Variants in ZMYND11 observed in about 807,000 individuals in gnomAD.
The protein encoded by ZMYND11 is zinc finger MYND-type containing 11.
ZMYND11 carries 9 observed loss-of-function variants against 84.9 expected under a neutral mutation model. That is an observed-to-expected ratio of 0.11 (90% CI 0.06 to 0.18). ZMYND11 has a LOEUF of 0.18. ZMYND11 is among the 10% of genes least tolerant of loss of function. The probability of loss-of-function intolerance (pLI) is 1.00; values close to 1 mark genes in which losing one functional copy is unlikely to be tolerated. For synonymous variants in ZMYND11, 250 were observed against 244.1 expected, an observed-to-expected ratio of 1.02 and a Z score of -0.23; for missense variants, 409 against 761.0, an observed-to-expected ratio of 0.54 and a Z score of 5.44.
At chr10:189,841 T>C (rs1428696693) in intron 2 of ZMYND11, among the ~76,000 whole-genome samples, 5 of 152,152 alleles carry the variant, frequency 3.3e-5, no homozygotes, top group Admixed American at 3.3e-4. Flanking sequence ...ATAGACCTTA[T>C]TTGAGGGGAC....
intron 4 of ZMYND11, among the ~76,000 whole-genome samples, chr10:236,043 G>T (rs1456723912): frequency 6.6e-6 from 1 of 152,120 alleles, no homozygotes; most frequent in Non-Finnish European, 1.5e-5. Flanking sequence ...ATTATCTAGT[G>T]ACCTGAAAAA....
intron 2 of ZMYND11, among the ~76,000 whole-genome samples, chr10:206,379 T>G (rs909024358): frequency 6.6e-6 from 1 of 152,142 alleles, no homozygotes; most frequent in African/African-American, 2.4e-5. Flanking sequence ...AATAAATCAA[T>G]AGCTCTGTCT....
intron 12 of ZMYND11, among the ~76,000 whole-genome samples, 132 bp from the exon 13 acceptor site, chr10:248,181 ATACGTGACATCTACCACCCTAAC>A (rs1399715959): frequency 6.6e-6 from 1 of 152,184 alleles, no homozygotes; most frequent in Non-Finnish European, 1.5e-5. Context: ...GTGGCAAAAT[ATACGTGACATCTACCACCCTAAC>A]TACATTTTTC....
intron 6 of ZMYND11, among the ~76,000 whole-genome samples, chr10:238,514 G>A (rs1336258457): frequency 6.6e-6 from 1 of 151,904 alleles, no homozygotes; most frequent in African/African-American, 2.4e-5. Flanking sequence ...CCGACACCAC[G>A]CCCACCTAAT....
intron 2 of ZMYND11, among the ~76,000 whole-genome samples, chr10:185,837 CA>C (rs1190356934): frequency 7.4e-6 from 1 of 135,234 alleles, no homozygotes; most frequent in African/African-American, 2.7e-5. Context: ...AACAAAAAAA[CA>C]AAAAAAAAGA....
intron 1 of ZMYND11, among the ~76,000 whole-genome samples, chr10:161,357 T>C (rs1842913093): frequency 6.7e-6 from 1 of 150,104 alleles, no homozygotes; most frequent in Non-Finnish European, 1.5e-5. Flanking sequence ...GTAGGCTTTG[T>C]TGCTCCATCT....
intron 4 of ZMYND11, among the ~76,000 whole-genome samples, chr10:227,237 G>A (rs777600752): frequency 6.6e-6 from 1 of 152,148 alleles, no homozygotes. Context: ...GCTGTTTGGT[G>A]GTTCTTCCAC....
intron 2 of ZMYND11, among the ~76,000 whole-genome samples, chr10:189,466 TCC>T (rs1939723355): frequency 6.6e-6 from 1 of 152,250 alleles, no homozygotes; most frequent in African/African-American, 2.4e-5. Flanking sequence ...GTTTATGTAA[TCC>T]CAAGGATTCT....
At chr10:249,813 C>A in intron 14 of ZMYND11, 1 of 945,324 alleles carries the variant, frequency 1.1e-6, no homozygotes, top group Non-Finnish European at 1.3e-6. Flanking sequence ...TTTATCAAGC[C>A]TATATTATAT....
chr10:200,253 T>C (rs983809322), intron 2 of ZMYND11, among the ~76,000 whole-genome samples: 3 of 107,766 alleles, frequency 2.8e-5, no homozygotes, highest in East Asian at 3.2e-4. Flanking sequence ...ATATATATAA[T>C]ATAAAATATA....
chr10:222,352 G>A (rs1208866923), intron 4 of ZMYND11, among the ~76,000 whole-genome samples: 2 of 152,040 alleles, frequency 1.3e-5, no homozygotes, highest in Non-Finnish European at 2.9e-5. Flanking sequence ...TGCCATATAC[G>A]TTATACTTAC....
chr10:201,512 T>C (rs1416524021), intron 2 of ZMYND11, among the ~76,000 whole-genome samples: 1 of 151,870 alleles, frequency 6.6e-6, no homozygotes, highest in Non-Finnish European at 1.5e-5. Flanking sequence ...GTAATTACTT[T>C]CAGGAAATTA....
At chr10:152,860 G>A (rs892444975) in intron 1 of ZMYND11, among the ~76,000 whole-genome samples, 3 of 152,186 alleles carry the variant, frequency 2.0e-5, no homozygotes, top group African/African-American at 4.8e-5. Flanking sequence ...ATAACAAACT[G>A]TCTCTCAGAC....
chr10:251,578 C>CA lies in ZMYND11; in HGVS notation c.1687-769dup, dbSNP rs1953508330. ...CTGTTGTCAAGTGTTTGTTTACATC[C>CA]AGAAGGTCTCTCATCTTCCTTGCCT... On this transcript the variant is annotated intron_variant, in intron 14 of 14. Coordinates refer to ENST00000381604, the MANE Select transcript of ZMYND11 (RefSeq NM_001370100.5). Among the ~76,000 whole-genome samples, 3 of 152,292 alleles carry CA rather than the reference C, an allele frequency of 2.0e-5. No homozygotes were observed. The South Asian group carries it at 6.2e-4, about 32-fold the overall frequency.
intron 4 of ZMYND11, among the ~76,000 whole-genome samples, chr10:224,137 C>G (rs1321279631): frequency 6.6e-6 from 1 of 152,154 alleles, no homozygotes; most frequent in African/African-American, 2.4e-5. Flanking sequence ...ACTATTCACT[C>G]TTACATTCCT....
chr10:151,448 T>C (rs1018613964), intron 1 of ZMYND11, among the ~76,000 whole-genome samples: 1 of 152,062 alleles, frequency 6.6e-6, no homozygotes, highest in Non-Finnish European at 1.5e-5. Flanking sequence ...TTCAATCAAC[T>C]GGAAGAAAGG....
intron 10 of ZMYND11, among the ~76,000 whole-genome samples, chr10:245,051 T>C (rs1320157810): frequency 6.6e-6 from 1 of 152,182 alleles, no homozygotes; most frequent in Non-Finnish European, 1.5e-5. Flanking sequence ...AAATATCTGT[T>C]GATTGGAAGA....
chr10:169,721 T>A lies in ZMYND11; in HGVS notation c.-19-10273T>A, dbSNP rs138031176. ...TCTCTGAATGTGAGCATATGACAAC[T>A]AGAAATCTTCAGAACTGAAAAGCAG... On this transcript the variant is annotated intron_variant, in intron 1 of 14. Coordinates refer to ENST00000381604, the MANE Select transcript of ZMYND11 (RefSeq NM_001370100.5). Among the ~76,000 whole-genome samples, 8 of 152,076 alleles carry A rather than the reference T, an allele frequency of 5.3e-5. No individual in the cohort carries two copies. The East Asian group carries it at 1.6e-3, about 29-fold the overall frequency.
At chr10:170,431 C>CCT (rs1554765357) in intron 1 of ZMYND11, among the ~76,000 whole-genome samples, 1 of 147,712 alleles carries the variant, frequency 6.8e-6, no homozygotes, top group Non-Finnish European at 1.5e-5. Flanking sequence ...ATTATGTGTG[C>CCT]GTGTGTGTGT....
Sources: gnomAD v4.1 joint callset for allele counts (sites outside exome capture counted in the v4.1 genomes callset) on GRCh38, gnomAD v4.1.1 for gene constraint, MANE v1.5 for transcripts, NCBI Gene and HGNC (gene_info 2026-07-23, HGNC 2026-07-21) for gene names.